The following ARK2N variants were observed in gnomAD, a reference collection of about 807,000 sequenced individuals.
ARK2N encodes the protein arkadia (RNF111) N-terminal like PKA signaling regulator 2N.
the ARK2N span, among the ~76,000 whole-genome samples, chr18:46,200,091 T>TGTGTGTGTGC: frequency 1.4e-5 from 2 of 148,094 alleles, no homozygotes; most frequent in African/African-American, 4.9e-5. Context: ...TGTGTGTGTG[T>TGTGTGTGTGC]GCGCGCGCGT....
At chr18:46,194,533 C>T in the ARK2N span, among the ~76,000 whole-genome samples, 1 of 151,218 alleles carries the variant, frequency 6.6e-6, no homozygotes, top group Admixed American at 6.6e-5. Context: ...AGTGCAATGG[C>T]ATGGTCTCGG....
the ARK2N span, among the ~76,000 whole-genome samples, chr18:46,257,000 A>G: frequency 1.6e-3 from 250 of 152,308 alleles, no homozygotes; most frequent in African/African-American, 5.9e-3. Context: ...CTAGGGTTGC[A>G]GTTATGAAGT....
chr18:46,205,321 T>C, the ARK2N span, among the ~76,000 whole-genome samples: 1 of 152,200 alleles, frequency 6.6e-6, no homozygotes, highest in East Asian at 1.9e-4. Flanking sequence ...TTAGTTATAT[T>C]GAGTGCTTAA....
the ARK2N span, among the ~76,000 whole-genome samples, chr18:46,255,068 A>T: frequency 6.6e-6 from 1 of 152,266 alleles, no homozygotes; most frequent in Non-Finnish European, 1.5e-5. Context: ...CTGGTTACCC[A>T]GGTAATAAAA....
At chr18:46,189,367 G>T in the ARK2N span, among the ~76,000 whole-genome samples, 5 of 152,030 alleles carry the variant, frequency 3.3e-5, no homozygotes, top group African/African-American at 9.7e-5. Context: ...GTGTATTCTT[G>T]TGTATTTGTG....
the ARK2N span, among the ~76,000 whole-genome samples, chr18:46,192,025 A>G: frequency 6.6e-6 from 1 of 152,148 alleles, no homozygotes; most frequent in Non-Finnish European, 1.5e-5. Context: ...TGTCTGGATG[A>G]CCACAGTTTA....
At chr18:46,195,428 T>C in the ARK2N span, among the ~76,000 whole-genome samples, 1 of 151,686 alleles carries the variant, frequency 6.6e-6, no homozygotes, top group Non-Finnish European at 1.5e-5. Flanking sequence ...GTCATTCCCA[T>C]TGTAGAGATG....
the ARK2N span, among the ~76,000 whole-genome samples, chr18:46,202,906 A>G: frequency 1.3e-5 from 2 of 152,088 alleles, no homozygotes; most frequent in African/African-American, 2.4e-5. Context: ...TATCTTCTAG[A>G]TATGATGGAC....
the ARK2N span, among the ~76,000 whole-genome samples, chr18:46,236,805 T>C: frequency 3.3e-5 from 5 of 151,568 alleles, no homozygotes; most frequent in African/African-American, 1.2e-4. Context: ...AATGAACTGA[T>C]AGAGTCAAAT....
chr18:46,179,332 T>A, the ARK2N span, among the ~76,000 whole-genome samples: 1 of 152,334 alleles, frequency 6.6e-6, no homozygotes, highest in East Asian at 1.9e-4. Context: ...AATCTGATAG[T>A]TATTTTTCTT....
chr18:46,188,362 G>A, the ARK2N span, among the ~76,000 whole-genome samples: 296 of 152,140 alleles, frequency 1.9e-3, 2 homozygotes, highest in Middle Eastern at 0.02. Context: ...CACTACACCC[G>A]GCCAATTTTT....
chr18:46,194,558 C>T, the ARK2N span, among the ~76,000 whole-genome samples: 10 of 151,676 alleles, frequency 6.6e-5, no homozygotes, highest in East Asian at 7.7e-4. Flanking sequence ...CTGCAGCCTC[C>T]GCCTCCTGGG....
chr18:46,255,455 T>C, the ARK2N span, among the ~76,000 whole-genome samples: 1 of 127,462 alleles, frequency 7.8e-6, no homozygotes, highest in Non-Finnish European at 1.6e-5. Flanking sequence ...CTTTTTTTTT[T>C]TTTTTTTTTT....
chr18:46,197,462 G>A, the ARK2N span, among the ~76,000 whole-genome samples: 854 of 152,260 alleles, frequency 5.6e-3, 11 homozygotes, highest in African/African-American at 0.02. Flanking sequence ...TCGAACTCCT[G>A]ACCTTAAGGG....
the ARK2N span, among the ~76,000 whole-genome samples, chr18:46,191,687 A>G: frequency 0.016 from 2,495 of 152,262 alleles, 39 homozygotes; most frequent in Non-Finnish European, 0.026. Context: ...CCCAAAGTTC[A>G]TAGGTTATAT....
the ARK2N span, among the ~76,000 whole-genome samples, chr18:46,255,445 C>CTTTTTTTTTTTTTTTTTTT: frequency 2.6e-5 from 2 of 77,724 alleles, no homozygotes; most frequent in African/African-American, 6.1e-5. Flanking sequence ...CTTTTCTTTT[C>CTTTTTTTTTTTTTTTTTTT]TTTTTTTTTT....
At chr18:46,253,690 C>T in the ARK2N span, 3 of 1,609,288 alleles carry the variant, frequency 1.9e-6, no homozygotes, top group Non-Finnish European at 1.7e-6. Flanking sequence ...CTCCCCTTCT[C>T]TCTCAGGTCA....
At chr18:46,234,886 A>G in the ARK2N span, among the ~76,000 whole-genome samples, 3 of 152,176 alleles carry the variant, frequency 2.0e-5, no homozygotes, top group Non-Finnish European at 4.4e-5. Flanking sequence ...TAGGTATGGC[A>G]AAGAGGAGGA....
the ARK2N span, among the ~76,000 whole-genome samples, chr18:46,191,634 C>T: frequency 4.6e-5 from 7 of 152,122 alleles, no homozygotes; most frequent in African/African-American, 1.4e-4. Context: ...CAGAAAGGCA[C>T]GGTTATTGCA....
Sources: allele counts gnomAD v4.1 joint callset (sites outside exome capture counted in the v4.1 genomes callset), GRCh38; gene constraint gnomAD v4.1.1; transcripts MANE v1.5; gene names NCBI Gene and HGNC (gene_info 2026-07-23, HGNC 2026-07-21).